The following CD302 variants were observed in gnomAD, a reference collection of about 807,000 sequenced individuals.
The protein encoded by CD302 is CD302 antigen.
In CD302, 23 loss-of-function variants were observed where a neutral mutation model predicts 26.5. That is an observed-to-expected ratio of 0.87 (90% CI 0.62 to 1.23). The LOEUF is 1.23. CD302 is among the 50% of genes most tolerant of loss of function. The pLI is 0.00. For missense variants in CD302, 290 were observed against 275.5 expected (o/e 1.05, Z -0.37); for synonymous variants, 90 against 99.4 (o/e 0.91, Z 0.56).
chr2:159,782,922 A>G (rs967536020), intron 2 of CD302, among the ~76,000 whole-genome samples: 1 of 152,222 alleles, frequency 6.6e-6, no homozygotes, highest in East Asian at 1.9e-4. Flanking sequence ...CTAAGTGATT[A>G]AGAACTCTAA....
intron 5 of CD302, among the ~76,000 whole-genome samples, chr2:159,776,251 A>C (rs975245512): frequency 5.3e-5 from 8 of 151,816 alleles, no homozygotes; most frequent in Non-Finnish European, 1.2e-4. Flanking sequence ...AATGATACTC[A>C]GTTGTATGTG....
In CD302 at chr2:159,771,850, C is replaced by CTT. The variant is rs749152741; in HGVS notation, c.698_699dup. ...TGTCTTAGTGCAAGATTACCAAAAA[C>CTT]TTAGTCAAATTGAACAGGATATTCA... On this transcript the variant is annotated 3_prime_UTR_variant, in exon 6 of 6. Coordinates refer to ENST00000259053, the MANE Select transcript of CD302 (RefSeq NM_014880.5). The CTT allele has an allele frequency of 3.7e-6, 6 of 1,613,436 alleles. No individual in the cohort carries two copies. The highest frequency in any genetic ancestry group is 2.2e-5 in the East Asian group (1 of 44,852).
At chr2:159,794,362 A>G (rs1708893215) in intron 1 of CD302, among the ~76,000 whole-genome samples, 1 of 150,488 alleles carries the variant, frequency 6.6e-6, no homozygotes, top group Non-Finnish European at 1.5e-5. Flanking sequence ...TATGCACAAT[A>G]AAAATTATGG....
chr2:159,793,089 T>G (rs1708853280), intron 1 of CD302, among the ~76,000 whole-genome samples: 1 of 152,190 alleles, frequency 6.6e-6, no homozygotes, highest in South Asian at 2.1e-4. Context: ...ATAATCCTAA[T>G]ATAATTAAAA....
intron 1 of CD302, among the ~76,000 whole-genome samples, chr2:159,797,894 C>A (rs1413205992): frequency 6.6e-6 from 1 of 152,186 alleles, no homozygotes; most frequent in Non-Finnish European, 1.5e-5. Flanking sequence ...GATGTGGACT[C>A]CGAGGAAGAC....
In CD302 at chr2:159,780,155, TATCAAACCACTTGAAACTCGC is replaced by T. The variant is rs1560044318; in HGVS notation, c.298_318del (p.Ala100_Asp106del). On this transcript the variant is annotated inframe_deletion and splice_region_variant, in exon 4 of 6. Coordinates refer to ENST00000259053, the MANE Select transcript of CD302 (RefSeq NM_014880.5). ...CACTTATCAAATGTCATATTTGAAT[TATCAAACCACTTGAAACTCGC>T]ATCTGTCAATTAAGGAATATTTTCA... 1 of 1,613,732 alleles carries T rather than the reference TATCAAACCACTTGAAACTCGC, an allele frequency of 6.2e-7. No homozygotes were observed. Among genetic ancestry groups the T allele is most frequent in the East Asian group, 2.2e-5 (1 of 44,878 alleles).
At chr2:159,776,654 G>A (rs965305463) in intron 5 of CD302, among the ~76,000 whole-genome samples, 4 of 150,050 alleles carry the variant, frequency 2.7e-5, no homozygotes, top group Admixed American at 1.3e-4. Context: ...TAGTTCTATC[G>A]TAGTAACCCC....
At chr2:159,787,988 T>A (rs980426202) in intron 1 of CD302, among the ~76,000 whole-genome samples, 1 of 152,056 alleles carries the variant, frequency 6.6e-6, no homozygotes, top group African/African-American at 2.4e-5. Flanking sequence ...GTGCCTGTAA[T>A]CCCAGCTATT....
Position 159,771,769 on chromosome 2 carries a change from G to T in CD302, c.*82C>A. 1 of 1,462,866 alleles carries T rather than the reference G, an allele frequency of 6.8e-7. No individual in the cohort carries two copies. Among genetic ancestry groups the T allele is most frequent in the Non-Finnish European group, 9.4e-7 (1 of 1,066,342 alleles). 90.6% of individuals were successfully genotyped at this position (1,462,866 alleles called of 1,614,324 possible). A position where few individuals can be genotyped will look rare whatever the true frequency, so the allele number is the denominator to read the frequency against. ...TACCATTAAAGCTCTAATATCCAAT[G>T]TCAAGTTTTATATTAAAATCTTTCC... is the stretch of plus-strand genomic sequence containing the variant. On this transcript the variant is annotated 3_prime_UTR_variant, in exon 6 of 6. Coordinates refer to ENST00000259053, the MANE Select transcript of CD302 (RefSeq NM_014880.5).
chr2:159,777,827 CT>C, intron 5 of CD302, 110 bp downstream of exon 5: 2 of 503,158 alleles, frequency 4.0e-6, no homozygotes, highest in Non-Finnish European at 6.7e-6. Flanking sequence ...AAAAATTGTT[CT>C]ACTTTATATT....
chr2:159,785,747 TTC>T (rs1158781995), intron 1 of CD302, among the ~76,000 whole-genome samples: 3 of 152,318 alleles, frequency 2.0e-5, no homozygotes, highest in South Asian at 2.1e-4. Context: ...TCAAACATTA[TTC>T]TCTGTCTGCT....
At chr2:159,772,694 T>C (rs555962901) in intron 5 of CD302, among the ~76,000 whole-genome samples, 1 of 152,188 alleles carries the variant, frequency 6.6e-6, no homozygotes, top group East Asian at 1.9e-4. Flanking sequence ...ACTTGTATTA[T>C]GTATAGTAAT....
At chr2:159,795,493 A>G (rs1440872962) in intron 1 of CD302, among the ~76,000 whole-genome samples, 1 of 152,258 alleles carries the variant, frequency 6.6e-6, no homozygotes, top group Non-Finnish European at 1.5e-5. Context: ...TTCCCCTGGT[A>G]AGAGAAGCAA....
At chr2:159,789,418 A>T (rs1708749685) in intron 1 of CD302, among the ~76,000 whole-genome samples, 1 of 152,154 alleles carries the variant, frequency 6.6e-6, no homozygotes, top group Non-Finnish European at 1.5e-5. Flanking sequence ...ATTATATTTT[A>T]AAATTCTCAA....
chr2:159,773,953 T>C (rs559830279), intron 5 of CD302, among the ~76,000 whole-genome samples: 2 of 152,274 alleles, frequency 1.3e-5, no homozygotes, highest in African/African-American at 4.8e-5. Flanking sequence ...AGCTCACTTT[T>C]TCATTTCTTA....
chr2:159,784,723 C>T (rs1708619578), intron 1 of CD302, among the ~76,000 whole-genome samples: 1 of 152,030 alleles, frequency 6.6e-6, no homozygotes, highest in Non-Finnish European at 1.5e-5. Flanking sequence ...TCAGAATTTA[C>T]CAATCAGCTA....
chr2:159,788,087 CAG>C (rs2125810297), intron 1 of CD302, among the ~76,000 whole-genome samples: 1 of 147,736 alleles, frequency 6.8e-6, no homozygotes, highest in African/African-American at 2.5e-5. Context: ...AGCCTGACAA[CAG>C]AGTGAGACTC....
chr2:159,796,544 A>G (rs888011242), intron 1 of CD302, among the ~76,000 whole-genome samples: 1 of 152,222 alleles, frequency 6.6e-6, no homozygotes, highest in African/African-American at 2.4e-5. Flanking sequence ...TGAAGTGCAG[A>G]TAAGTTGGTT....
intron 5 of CD302, among the ~76,000 whole-genome samples, chr2:159,773,232 C>G (rs369225455): frequency 6.6e-6 from 1 of 152,114 alleles, no homozygotes; most frequent in African/African-American, 2.4e-5. Flanking sequence ...CAGGTTGGTC[C>G]GAAACCCCTG....
Sources: allele counts gnomAD v4.1 joint callset (sites outside exome capture counted in the v4.1 genomes callset), GRCh38; gene constraint gnomAD v4.1.1; transcripts MANE v1.5; gene names NCBI Gene and HGNC (gene_info 2026-07-23, HGNC 2026-07-21).